Variants in MBNL1 observed in about 807,000 individuals in gnomAD.
MBNL1 encodes muscleblind like splicing regulator 1.
Under a neutral mutation model 42.2 loss-of-function variants are expected in MBNL1, and 8 were observed. The observed-to-expected ratio is 0.19, with a 90% CI of 0.11 to 0.34. The LOEUF (loss-of-function observed/expected upper bound fraction) is 0.34. Ranked by LOEUF, MBNL1 falls within the 10% of genes least tolerant of loss-of-function variation. The pLI, the probability that MBNL1 is intolerant of heterozygous loss-of-function variation, is 1.00. For missense variants in MBNL1, 309 were observed against 495.3 expected (o/e 0.62, Z 3.57); for synonymous variants, 169 against 173.9 (o/e 0.97, Z 0.22).
chr3:152,372,566 G>A (rs1451400700), intron 2 of MBNL1, among the ~76,000 whole-genome samples: 1 of 152,150 alleles, frequency 6.6e-6, no homozygotes, highest in East Asian at 1.9e-4. Flanking sequence ...TCTCCTGCAG[G>A]CCTGCTGGAG....
chr3:152,325,982 C>T (rs1246881037), intron 2 of MBNL1, among the ~76,000 whole-genome samples: 1 of 152,104 alleles, frequency 6.6e-6, no homozygotes, highest in Non-Finnish European at 1.5e-5. Flanking sequence ...TGTTACCTTT[C>T]ACACTCCTTT....
At chr3:152,310,684 A>G (rs186682650) in intron 2 of MBNL1, among the ~76,000 whole-genome samples, 8 of 152,236 alleles carry the variant, frequency 5.3e-5, no homozygotes, top group South Asian at 4.1e-4. Context: ...AGATTTTCTC[A>G]TTTGGTGTGG....
At chr3:152,256,397 A>G (rs1005221084) in intron 2 of MBNL1, among the ~76,000 whole-genome samples, 2 of 152,180 alleles carry the variant, frequency 1.3e-5, no homozygotes, top group African/African-American at 4.8e-5. Flanking sequence ...TGAAGCAGAA[A>G]AGACTACAGA....
chr3:152,308,272 G>C (rs997259014), intron 2 of MBNL1, among the ~76,000 whole-genome samples: 2 of 152,150 alleles, frequency 1.3e-5, no homozygotes, highest in East Asian at 3.8e-4. Flanking sequence ...AACTCCTAGA[G>C]TCACAGACCC....
chr3:152,356,236 A>T (rs919798862), intron 2 of MBNL1, among the ~76,000 whole-genome samples: 4 of 134,484 alleles, frequency 3.0e-5, no homozygotes, highest in Admixed American at 7.2e-5. Context: ...TTTTTTAATT[A>T]AAAAAAAAAA....
intron 1 of MBNL1, among the ~76,000 whole-genome samples, chr3:152,287,025 C>T (rs2052849177): frequency 1.3e-5 from 2 of 152,112 alleles, no homozygotes; most frequent in South Asian, 4.2e-4. Context: ...TGAGACCATC[C>T]TGGCTAACAT....
intron 2 of MBNL1, among the ~76,000 whole-genome samples, chr3:152,326,824 C>T (rs2080598474): frequency 1.1e-5 from 1 of 92,626 alleles, no homozygotes. Flanking sequence ...TTTATTGAGA[C>T]AGAGTTTCAC....
intron 2 of MBNL1, among the ~76,000 whole-genome samples, chr3:152,344,877 T>C (rs1295095162): frequency 6.6e-6 from 1 of 152,084 alleles, no homozygotes; most frequent in African/African-American, 2.4e-5. Context: ...CAAATGTCCA[T>C]ACAGATGGAA....
chr3:152,339,244 A>G (rs1027295942), intron 2 of MBNL1, among the ~76,000 whole-genome samples: 2 of 152,092 alleles, frequency 1.3e-5, no homozygotes. Context: ...TTCTTGCTTT[A>G]TTTTTAGATT....
intron 2 of MBNL1, among the ~76,000 whole-genome samples, chr3:152,248,845 T>C (rs1246719226): frequency 4.7e-4 from 70 of 150,328 alleles, no homozygotes; most frequent in Non-Finnish European, 9.5e-4. Flanking sequence ...TCAATTCCCA[T>C]CTATGAGTGA....
At chr3:152,395,110 C>T (rs1273004032) in intron 2 of MBNL1, among the ~76,000 whole-genome samples, 1 of 152,174 alleles carries the variant, frequency 6.6e-6, no homozygotes, top group Non-Finnish European at 1.5e-5. Context: ...CCACCTGCCT[C>T]AGCCTCCCAA....
At chr3:152,365,064 A>G (rs1466902492) in intron 2 of MBNL1, among the ~76,000 whole-genome samples, 2 of 152,062 alleles carry the variant, frequency 1.3e-5, no homozygotes, top group African/African-American at 4.8e-5. Context: ...ATAATGCCAA[A>G]CCTTAGGATA....
intron 2 of MBNL1, among the ~76,000 whole-genome samples, chr3:152,355,110 A>G (rs1441245490): frequency 6.6e-6 from 1 of 152,164 alleles, no homozygotes; most frequent in African/African-American, 2.4e-5. Flanking sequence ...TGAGCAAACA[A>G]TTAAAAGAAA....
At chr3:152,344,285 A>G (rs1011192372) in intron 2 of MBNL1, among the ~76,000 whole-genome samples, 1 of 152,104 alleles carries the variant, frequency 6.6e-6, no homozygotes, top group Non-Finnish European at 1.5e-5. Context: ...TTTTTTTCGG[A>G]CTATAACACT....
intron 2 of MBNL1, chr3:152,301,025 T>A (rs1191218303): frequency 5.8e-6 from 3 of 517,528 alleles, no homozygotes; most frequent in Admixed American, 1.3e-4. Flanking sequence ...TTATTGGATT[T>A]TTCCAGCTTC....
intron 2 of MBNL1, among the ~76,000 whole-genome samples, chr3:152,307,437 T>C (rs886875468): frequency 1.3e-5 from 2 of 152,262 alleles, no homozygotes; most frequent in Non-Finnish European, 2.9e-5. Flanking sequence ...AAATACACTT[T>C]CTTATTTTTT....
At chr3:152,455,397 T>C (rs894923888) in intron 6 of MBNL1, 145 bp from the exon 7 acceptor site, 22 of 678,020 alleles carry the variant, frequency 3.2e-5, no homozygotes, top group Non-Finnish European at 1.1e-5. Context: ...ATGATTTGAT[T>C]GTGCTGACAG....
intron 2 of MBNL1, among the ~76,000 whole-genome samples, chr3:152,308,897 T>C (rs936182435): frequency 3.9e-5 from 6 of 151,918 alleles, no homozygotes; most frequent in African/African-American, 1.2e-4. Flanking sequence ...AAGAAAACCA[T>C]TAGGAGGTGA....
At chr3:152,277,003 T>G (rs1289717937) in intron 1 of MBNL1, among the ~76,000 whole-genome samples, 2 of 152,066 alleles carry the variant, frequency 1.3e-5, no homozygotes, top group Non-Finnish European at 2.9e-5. Context: ...TTAAAGGCAA[T>G]GGGGGTATTA....
Sources: allele counts gnomAD v4.1 joint callset (sites outside exome capture counted in the v4.1 genomes callset), GRCh38; gene constraint gnomAD v4.1.1; transcripts MANE v1.5; gene names NCBI Gene and HGNC (gene_info 2026-07-23, HGNC 2026-07-21).